Variants in CCSER2 observed in about 807,000 individuals in gnomAD.
CCSER2 encodes the protein coiled-coil serine rich protein 2.
In CCSER2, 46 loss-of-function variants were observed where a neutral mutation model predicts 92.3. The ratio of observed to expected loss-of-function variants is 0.50; its 90% confidence interval spans 0.39 to 0.64. CCSER2 has a LOEUF of 0.64. Ranked by LOEUF, CCSER2 falls within the 30% of genes least tolerant of loss-of-function variation. CCSER2 has a pLI of 0.00. For missense variants in CCSER2, 1,244 were observed against 1,238.9 expected, an observed-to-expected ratio of 1.00 and a Z score of -0.06; for synonymous variants, 433 against 431.4, an observed-to-expected ratio of 1.00 and a Z score of -0.04.
intron 9 of CCSER2, among the ~76,000 whole-genome samples, chr10:84,500,533 T>C (rs1417957614): frequency 6.6e-6 from 1 of 152,258 alleles, no homozygotes; most frequent in African/African-American, 2.4e-5. Context: ...ACAGAAGAAA[T>C]GGCTTTTGAA....
At chr10:84,508,884 CTA>C (rs1170455076) in intron 9 of CCSER2, among the ~76,000 whole-genome samples, 1 of 152,160 alleles carries the variant, frequency 6.6e-6, no homozygotes. Context: ...TGAGGACATA[CTA>C]TGTGCTAGGA....
intron 6 of CCSER2, among the ~76,000 whole-genome samples, chr10:84,460,398 A>G (rs2133651577): frequency 6.6e-6 from 1 of 151,722 alleles, no homozygotes; most frequent in Non-Finnish European, 1.5e-5. Flanking sequence ...AGATTTTTTA[A>G]AAGACTTCTG....
At chr10:84,391,935 T>A (rs575561596) in intron 3 of CCSER2, 1 of 1,348,468 alleles carries the variant, frequency 7.4e-7, no homozygotes, top group Admixed American at 1.7e-5. Flanking sequence ...ACACATTCGG[T>A]GTAAGATCCT....
chr10:84,340,553 G>A (rs1484229906), intron 1 of CCSER2, among the ~76,000 whole-genome samples: 1 of 151,694 alleles, frequency 6.6e-6, no homozygotes, highest in Non-Finnish European at 1.5e-5. Flanking sequence ...TTCTTTTCAT[G>A]AGCAAATAAT....
Position 84,477,648 on chromosome 10 carries a change from C to A in CCSER2, c.2309C>A (p.Pro770His). 7 of 1,598,748 alleles carry A rather than the reference C, an allele frequency of 4.4e-6. No individual in the cohort carries two copies. The highest frequency in any genetic ancestry group is 1.7e-5 in the Admixed American group (1 of 59,664). Residue 770 changes from proline to histidine, a missense_variant, in exon 9 of 10, where the codon CCC (proline) becomes CAC (histidine). By Grantham distance (77) the Pro-to-His change is moderately conservative (BLOSUM62 -2). Transcript: ENST00000372088. ...CTYADKYTQT[P>H]WRRIPPQVLQ... Reference sequence around the variant, plus strand: ...TATGCTGATAAATATACCCAAACACCCTGGAGACGAATTCCTGTAAGTAAC... The same window carrying A: ...TATGCTGATAAATATACCCAAACACACTGGAGACGAATTCCTGTAAGTAAC...
chr10:84,488,825 G>T (rs1235481486), intron 9 of CCSER2, among the ~76,000 whole-genome samples: 1 of 151,934 alleles, frequency 6.6e-6, no homozygotes, highest in Non-Finnish European at 1.5e-5. Flanking sequence ...TTTTAATTGC[G>T]ATGTTAGGGT....
intron 9 of CCSER2, among the ~76,000 whole-genome samples, chr10:84,481,391 T>C (rs1048230101): frequency 6.6e-6 from 1 of 151,562 alleles, no homozygotes; most frequent in African/African-American, 2.4e-5. Context: ...TTATATATTT[T>C]ATATATATTG....
intron 8 of CCSER2, among the ~76,000 whole-genome samples, chr10:84,477,068 G>A (rs1847191346): frequency 6.6e-6 from 1 of 152,124 alleles, no homozygotes; most frequent in Non-Finnish European, 1.5e-5. Context: ...AGTGACTGTA[G>A]TACCATGACA....
At chr10:84,446,821 A>G (rs1056795025) in intron 6 of CCSER2, among the ~76,000 whole-genome samples, 1 of 152,038 alleles carries the variant, frequency 6.6e-6, no homozygotes, top group Admixed American at 6.6e-5. Context: ...TTCCGTGAAT[A>G]TAAGGTTTGC....
chr10:84,398,777 CT>C lies in CCSER2; in HGVS notation c.1615-18984del, dbSNP rs554481165. ...CACAGGGAATACAATGATGAACAGA[CT>C]TTTTTTTTTAAAGTAATAATTTTGT... On this transcript the variant is annotated intron_variant, in intron 3 of 9. Transcript: ENST00000372088. Among the ~76,000 whole-genome samples, 12 of 149,032 alleles carry C rather than the reference CT, an allele frequency of 8.1e-5. No homozygotes were observed. The South Asian group carries it at 8.5e-4, about 11-fold the overall frequency.
intron 1 of CCSER2, among the ~76,000 whole-genome samples, chr10:84,332,313 G>A (rs975765660): frequency 1.3e-5 from 2 of 148,650 alleles, no homozygotes; most frequent in African/African-American, 2.5e-5. Flanking sequence ...ATTTTCATTA[G>A]CACTAACATC....
chr10:84,374,165 T>C (rs988917492), intron 3 of CCSER2, among the ~76,000 whole-genome samples: 6 of 152,040 alleles, frequency 3.9e-5, no homozygotes, highest in Admixed American at 2.0e-4. Flanking sequence ...CTTCTTGGCA[T>C]CTAGTGGGTA....
At chr10:84,376,203 G>T in intron 3 of CCSER2, among the ~76,000 whole-genome samples, 1 of 151,992 alleles carries the variant, frequency 6.6e-6, no homozygotes, top group Non-Finnish European at 1.5e-5. Flanking sequence ...TAGAATCCTG[G>T]CTATTTATTT....
chr10:84,404,592 T>C (rs1028346303), intron 3 of CCSER2, among the ~76,000 whole-genome samples: 5 of 152,158 alleles, frequency 3.3e-5, no homozygotes, highest in Non-Finnish European at 7.3e-5. Flanking sequence ...TCCGATTAGC[T>C]AGTGAACTAC....
At position 84,457,359 on chromosome 10, in the gene CCSER2, ATT is replaced by A. The variant is rs1564685339; in HGVS notation, c.2065-6572_2065-6571del. Among the ~76,000 whole-genome samples the A allele has an allele frequency of 5.1e-4, 16 of 31,388 alleles. No individual in the cohort carries two copies. In the East Asian group the frequency reaches 0.013, roughly 25 times the overall value. The allele number at this position is 31,388 out of a possible 152,430, so 20.6% of individuals were successfully genotyped here. On this transcript the variant is annotated intron_variant, in intron 6 of 9. Coordinates refer to ENST00000372088, the MANE Select transcript of CCSER2 (RefSeq NM_001284240.2). Reference sequence around the variant, plus strand: ...ATTATATATTATATATAATATATATATTTATTTTAAATATATATTTTAAATAT... The same window carrying A: ...ATTATATATTATATATAATATATATATATTTTAAATATATATTTTAAATAT...
At chr10:84,427,500 C>T (rs985974652) in intron 5 of CCSER2, among the ~76,000 whole-genome samples, 15 of 152,188 alleles carry the variant, frequency 9.9e-5, no homozygotes, top group Non-Finnish European at 1.5e-4. Flanking sequence ...GTCCTGTTTC[C>T]ATTCTAAAAC....
chr10:84,512,554 G>T (rs1391387972), intron 9 of CCSER2, among the ~76,000 whole-genome samples: 4 of 152,146 alleles, frequency 2.6e-5, no homozygotes, highest in African/African-American at 9.7e-5. Context: ...CCCAAATCAT[G>T]GAAATGGCAT....
intron 8 of CCSER2, among the ~76,000 whole-genome samples, chr10:84,471,741 A>G (rs1441949012): frequency 1.3e-5 from 2 of 152,160 alleles, no homozygotes; most frequent in South Asian, 2.1e-4. Flanking sequence ...CATTTTACCT[A>G]ATGTAAATTA....
At chr10:84,464,040 A>G in intron 7 of CCSER2, 24 bp downstream of exon 7, 3 of 1,296,644 alleles carry the variant, frequency 2.3e-6, no homozygotes, top group Non-Finnish European at 2.2e-6. Flanking sequence ...GTCATGCTGG[A>G]TTTTTCAAAA....
Sources: gnomAD v4.1 joint callset for allele counts (sites outside exome capture counted in the v4.1 genomes callset) on GRCh38, gnomAD v4.1.1 for gene constraint, MANE v1.5 for transcripts, NCBI Gene and HGNC (gene_info 2026-07-23, HGNC 2026-07-21) for gene names.